Variants in PODNL1 observed in about 807,000 individuals in gnomAD.
PODNL1 encodes the protein podocan-like protein 1.
In PODNL1, 50 loss-of-function variants were observed where a neutral mutation model predicts 45.1. That is an observed-to-expected ratio of 1.11 (90% CI 0.88 to 1.40). The LOEUF is 1.40. PODNL1 is among the 40% of genes most tolerant of loss of function. The pLI is 0.00. For synonymous variants in PODNL1, 406 were observed against 372.5 expected (o/e 1.09, Z -1.04); for missense variants, 788 against 793.3 (o/e 0.99, Z 0.08).
In PODNL1 at chr19:13,932,861, C is replaced by T. The variant is rs28633068; in HGVS notation, c.1362G>A (p.Ala454=). The T allele has an allele frequency of 2.4e-3, 3,915 of 1,610,936 alleles. 85 individuals are homozygous for T. In the African/African-American group the frequency reaches 0.046, roughly 19 times the overall value. The change falls in exon 8 of 10, where the codon GCG becomes GCA. Residue 454 remains alanine (A), a synonymous_variant. Transcript: ENST00000588872. ...TGTCGCCGACCCGGAGCCGGTTGTG[C>T]GCCAGGCTGAGCTCCCGCAGTTGGT... ...GLDQLRELSL[A]HNRLRVGDIG...
At chr19:13,953,347 A>G in exon 1 of PODNL1, 1 of 528,630 alleles carries the variant, frequency 1.9e-6, no homozygotes, top group Admixed American at 3.7e-5. Context: ...CTCTGTGGAC[A>G]GGGACTGCGC....
Position 13,934,493 on chromosome 19 carries a change from C to T in PODNL1, c.495-83G>A, listed in dbSNP as rs534459201. Reference sequence around the variant, plus strand: ...CCGCACCACACCCTGCTCAGGGTCGCCTTCAGTGTGTGTGTGTGTGTGTGT... The same window carrying T: ...CCGCACCACACCCTGCTCAGGGTCGTCTTCAGTGTGTGTGTGTGTGTGTGT... On this transcript the variant is annotated intron_variant, in intron 5 of 9. Transcript: ENST00000588872. 1.9e-5 allele frequency: 25 copies of T among 1,349,222 alleles called. No homozygotes were observed. In the South Asian group the frequency reaches 3.3e-4, roughly 18 times the overall value. The allele number at this position is 1,349,222 out of a possible 1,614,324, so 83.6% of individuals were successfully genotyped here. A position where few individuals can be genotyped will look rare whatever the true frequency, so the allele number is the denominator to read the frequency against.
intron 8 of PODNL1, 64 bp downstream of exon 8, chr19:13,932,734 G>C: frequency 6.2e-7 from 1 of 1,611,570 alleles, no homozygotes; most frequent in Non-Finnish European, 8.5e-7. Context: ...TTTGGGACGT[G>C]GCAGGGCAGG....
intron 1 of PODNL1, 59 bp downstream of exon 1, chr19:13,938,120 G>T: frequency 1.3e-6 from 2 of 1,536,040 alleles, no homozygotes; most frequent in East Asian, 2.3e-5. Flanking sequence ...CCAGTTGGCA[G>T]AGCAGGGGTG....
intron 1 of PODNL1, chr19:13,953,062 C>T (rs541784705): frequency 2.6e-6 from 4 of 1,546,676 alleles, no homozygotes; most frequent in South Asian, 2.4e-5. Context: ...CTTCCTCCGC[C>T]TGATGTTCCT....
chr19:13,934,511 G>A, intron 5 of PODNL1, 101 bp from the exon 6 acceptor site: 2 of 1,089,660 alleles, frequency 1.8e-6, no homozygotes, highest in Non-Finnish European at 1.3e-6. Flanking sequence ...GTGTGTGTGT[G>A]TGTGTGTGTG....
At position 13,953,070 on chromosome 19, in the gene PODNL1, C is replaced by T. The variant is rs1421990901; in HGVS notation, c.18+49G>A. On this transcript the variant is annotated intron_variant, in intron 1 of 7. Transcript: ENST00000538371. The stretch of plus-strand genomic sequence containing the variant: ...CTTTGGGCTTCCTCCGCCTGATGTT[C>T]CTCTCCCTGCCCAAGCCCCGACCAC... 6 of 1,549,400 alleles carry T rather than the reference C, an allele frequency of 3.9e-6. No individual in the cohort carries two copies. In the Admixed American group the frequency reaches 1.2e-4, roughly 30 times the overall value.
chr19:13,932,920 G>T lies in PODNL1; in HGVS notation c.1303C>A (p.Arg435=), dbSNP rs373864112. The T allele has an allele frequency of 2.1e-4, 333 of 1,576,034 alleles. 3 individuals are homozygous for T. In the South Asian group the frequency reaches 3.1e-3, roughly 15 times the overall value. ...GCCAGAGGCTCGGGCTCGAGCATCC[G>T]CAGCTGGTTGCGTTGCAGCTGCAGG... is the stretch of plus-strand genomic sequence containing the variant. The part of the protein sequence containing the change: ...RTLQLQRNQL[R]MLEPEPLAGL... Residue 435 remains arginine (R), a synonymous_variant, in exon 8 of 10, where the codon CGG becomes AGG. Transcript: ENST00000588872.
chr19:13,944,738 A>C (rs1276219999), intron 1 of PODNL1, among the ~76,000 whole-genome samples: 1 of 150,334 alleles, frequency 6.7e-6, no homozygotes, highest in Non-Finnish European at 1.5e-5. Context: ...TACAGATGTG[A>C]GCCACTACTC....
At chr19:13,941,785 C>G (rs1276887488), upstream of PODNL1, among the ~76,000 whole-genome samples, 1 of 152,020 alleles carries the variant, frequency 6.6e-6, no homozygotes, top group African/African-American at 2.4e-5. Context: ...TGCACTCCAG[C>G]CTGGGCGACA....
chr19:13,943,197 G>A (rs1407157074), upstream of PODNL1, among the ~76,000 whole-genome samples: 3 of 151,970 alleles, frequency 2.0e-5, no homozygotes, highest in Admixed American at 6.6e-5. Flanking sequence ...TCAGGAGGCT[G>A]AGGCAGAAGA....
chr19:13,948,382 T>G (rs922080739), intron 1 of PODNL1, among the ~76,000 whole-genome samples: 4 of 149,576 alleles, frequency 2.7e-5, no homozygotes, highest in Admixed American at 2.0e-4. Context: ...TTTTTTTTTT[T>G]TTGTATTTTT....
At chr19:13,952,560 C>G in intron 1 of PODNL1, 4 of 1,262,856 alleles carry the variant, frequency 3.2e-6, no homozygotes, top group Non-Finnish European at 4.0e-6. Context: ...CTGGGAGCGG[C>G]GGCGGCGGCC....
intron 8 of PODNL1, chr19:13,932,525 CTA>C (rs753009321): frequency 2.5e-6 from 2 of 796,896 alleles, no homozygotes; most frequent in South Asian, 1.9e-5. Flanking sequence ...CCACGCTTGG[CTA>C]TGTTTTTTTG....
chr19:13,935,622 C>G (rs183903320), intron 5 of PODNL1, 99 bp downstream of exon 5: 149 of 931,588 alleles, frequency 1.6e-4, no homozygotes, highest in Non-Finnish European at 2.0e-4. Flanking sequence ...CCACTGCACC[C>G]GGCCGAGGGC....
At chr19:13,944,558 A>G (rs1398882120) in intron 1 of PODNL1, among the ~76,000 whole-genome samples, 1 of 151,926 alleles carries the variant, frequency 6.6e-6, no homozygotes, top group East Asian at 1.9e-4. Context: ...CCTGGGTTCA[A>G]GCGATTCTCG....
intron 1 of PODNL1, among the ~76,000 whole-genome samples, chr19:13,948,874 G>A (rs1048855922): frequency 6.6e-6 from 1 of 150,706 alleles, no homozygotes; most frequent in African/African-American, 2.4e-5. Flanking sequence ...AACCTGGGAG[G>A]AGGTTGCAGT....
At position 13,933,582 on chromosome 19, in the gene PODNL1, C is replaced by T. The variant is rs539050997; in HGVS notation, c.768-127G>A. The T allele has an allele frequency of 3.0e-4, 324 of 1,084,570 alleles. 3 individuals carry two copies. In the South Asian group the frequency reaches 4.9e-3, roughly 17 times the overall value. 67.2% of individuals were successfully genotyped at this position (1,084,570 alleles called of 1,614,324 possible). ...TGGAGATTTTGACTTGGGAGTGATG[C>T]GTGGAGAGAGCTGGGTGGGAGGTAA... is the stretch of plus-strand genomic sequence containing the variant. On this transcript the variant is annotated intron_variant, in intron 7 of 9. Transcript: ENST00000588872. This position sits in a 1 kb window ranked among gnomAD's most constrained non-coding sequence, Gnocchi z 5.2.
chr19:13,953,329 G>A, exon 1 of PODNL1: 3 of 558,692 alleles, frequency 5.4e-6, no homozygotes, highest in Non-Finnish European at 9.4e-6. Flanking sequence ...ACTGGGGCAA[G>A]GCTGTGTCTC....
Sources: allele counts gnomAD v4.1 joint callset (sites outside exome capture counted in the v4.1 genomes callset), GRCh38; gene constraint gnomAD v4.1.1; non-coding constraint Gnocchi (gnomAD v3.1); transcripts MANE v1.5; gene names NCBI Gene and HGNC (gene_info 2026-07-23, HGNC 2026-07-21).